The following CCDC32 variants were observed in gnomAD, a reference collection of about 807,000 sequenced individuals.
CCDC32 encodes coiled-coil domain containing 32, also known as coiled-coil domain-containing protein 32.
In CCDC32, 9 loss-of-function variants were observed where a neutral mutation model predicts 20.1. The ratio of observed to expected loss-of-function variants is 0.45; its 90% confidence interval spans 0.27 to 0.78. The LOEUF (loss-of-function observed/expected upper bound fraction) is 0.78, where lower values mean the gene tolerates loss of function less well. Among genes scored for constraint, CCDC32 ranks in the 30% least tolerant of loss-of-function variants. The pLI is 0.16. For synonymous variants in CCDC32, 63 were observed against 79.0 expected, an observed-to-expected ratio of 0.80 and a Z score of 1.07; for missense variants, 204 against 215.5, an observed-to-expected ratio of 0.95 and a Z score of 0.33.
chr15:40,564,859 G>T, intron 1 of CCDC32, 117 bp downstream of exon 1: 1 of 1,579,312 alleles, frequency 6.3e-7, no homozygotes, highest in Non-Finnish European at 8.7e-7. Context: ...AGTCGCTCAG[G>T]TCTCTAGGGC....
downstream of CCDC32, among the ~76,000 whole-genome samples, chr15:40,552,167 C>CA (rs113158589): frequency 7.2e-3 from 1,040 of 144,122 alleles, 16 homozygotes; most frequent in African/African-American, 0.017. Context: ...CTCAAAAAAA[C>CA]AAAAAAAAAA....
At chr15:40,521,033 G>A in the CCDC32 span, among the ~76,000 whole-genome samples, 1 of 152,216 alleles carries the variant, frequency 6.6e-6, no homozygotes, top group Admixed American at 6.5e-5. Flanking sequence ...TTAAGTGGAA[G>A]TGGATCATCA....
At chr15:40,561,421 C>T (rs1426268035) in intron 2 of CCDC32, among the ~76,000 whole-genome samples, 1 of 150,540 alleles carries the variant, frequency 6.6e-6, no homozygotes. Flanking sequence ...TGCAGTGAGT[C>T]GAGATCGTGC....
downstream of CCDC32, among the ~76,000 whole-genome samples, chr15:40,549,089 C>G (rs888303073): frequency 2.0e-5 from 3 of 152,062 alleles, no homozygotes; most frequent in Non-Finnish European, 2.9e-5. Context: ...ATAACTTGTC[C>G]ACCCTCAATC....
At chr15:40,527,092 A>G (rs1419797795), downstream of CCDC32, among the ~76,000 whole-genome samples, 1 of 151,964 alleles carries the variant, frequency 6.6e-6, no homozygotes, top group Non-Finnish European at 1.5e-5. Context: ...CTGGGATTAT[A>G]GGTGCAGGCC....
intron 3 of CCDC32, among the ~76,000 whole-genome samples, chr15:40,542,756 C>G (rs1422531507): frequency 2.0e-5 from 3 of 151,884 alleles, no homozygotes; most frequent in Admixed American, 2.0e-4. Context: ...GTAGTCCCAG[C>G]TACTCAGGAG....
chr15:40,564,627 C>CA, intron 1 of CCDC32: 1 of 1,201,270 alleles, frequency 8.3e-7, no homozygotes, highest in South Asian at 1.3e-5. Context: ...TGCCAGGAGA[C>CA]AGAGCCCAGC....
intron 3 of CCDC32, among the ~76,000 whole-genome samples, chr15:40,545,143 A>ACTCCG (rs1889561955): frequency 1.3e-5 from 2 of 152,224 alleles, no homozygotes; most frequent in East Asian, 3.9e-4. Context: ...CCCAATGTAC[A>ACTCCG]CTCCGCATCC....
chr15:40,562,738 CT>C, intron 2 of CCDC32, 33 bp downstream of exon 2: 1 of 1,585,160 alleles, frequency 6.3e-7, no homozygotes, highest in Non-Finnish European at 8.6e-7. Context: ...TGTAACAGAA[CT>C]TCAATATGCT....
intron 3 of CCDC32, among the ~76,000 whole-genome samples, chr15:40,539,880 A>ACACACACACACCCC (rs769226221): frequency 1.4e-5 from 2 of 139,040 alleles, no homozygotes; most frequent in African/African-American, 2.6e-5. Context: ...ACACACACAC[A>ACACACACACACCCC]CCCCGCTCCT....
At chr15:40,532,248 A>G, downstream of CCDC32, 1 of 703,324 alleles carries the variant, frequency 1.4e-6, no homozygotes, top group Non-Finnish European at 2.6e-6. Flanking sequence ...ATGGTAACAT[A>G]CTATTGTCCT....
At position 40,557,262 on chromosome 15, in the gene CCDC32, TCTC is replaced by T. The variant is rs772613338; in HGVS notation, c.352_354del (p.Glu118del). 2.5e-6 allele frequency: 4 copies of T among 1,614,048 alleles called. No homozygotes were observed. Among genetic ancestry groups the T allele is most frequent in the South Asian group, 1.1e-5 (1 of 91,036 alleles). On this transcript the variant is annotated inframe_deletion, in exon 3 of 4. Coordinates refer to ENST00000416810, the MANE Select transcript of CCDC32 (RefSeq NM_001080792.4). ...TCCACAAAGAACTCTGAAGCTAACT[TCTC>T]CTGGAGGAACCGATCCCAGCATTCC...
In CCDC32 at chr15:40,562,882, TC is replaced by T. The variant is rs1890746182; in HGVS notation, c.133del (p.Asp45IlefsTer21). The part of the protein sequence containing the change: ...ANNAFSDSFV[D>X]SCPEGEGQRE... ...CTGGCCTTCACCTTCAGGGCAAGAATCCACAAAGGAGTCTGAGAATGCATTG... is the reference window on the plus strand; with the variant it reads ...CTGGCCTTCACCTTCAGGGCAAGAATCACAAAGGAGTCTGAGAATGCATTG... On this transcript the variant is annotated frameshift_variant, in exon 2 of 4. Coordinates refer to ENST00000416810, the MANE Select transcript of CCDC32 (RefSeq NM_001080792.4). LOFTEE classifies it high-confidence loss of function. 6.2e-7 allele frequency: 1 copy of T among 1,614,084 alleles called. No individual in the cohort carries two copies. Among genetic ancestry groups the T allele is most frequent in the South Asian group, 1.1e-5 (1 of 91,090 alleles).
intron 3 of CCDC32, among the ~76,000 whole-genome samples, chr15:40,547,458 C>G (rs1889668888): frequency 6.6e-6 from 1 of 152,182 alleles, no homozygotes. Context: ...AAGCCAAACT[C>G]TGCCTTATAT....
chr15:40,532,960 T>C (rs1888948168), downstream of CCDC32, among the ~76,000 whole-genome samples: 1 of 152,022 alleles, frequency 6.6e-6, no homozygotes. Context: ...CTGCCTCAGC[T>C]TCTCAAAGTG....
At chr15:40,528,776 C>G in exon 4 of CCDC32, 1 of 698,882 alleles carries the variant, frequency 1.4e-6, no homozygotes, top group Non-Finnish European at 2.6e-6. Flanking sequence ...AGCACAGATC[C>G]CATTTCTCAA....
chr15:40,530,836 T>C (rs1888853099), downstream of CCDC32, among the ~76,000 whole-genome samples: 1 of 151,032 alleles, frequency 6.6e-6, no homozygotes, highest in Non-Finnish European at 1.5e-5. Flanking sequence ...GTTAGCTTCC[T>C]GGGTAGCTGG....
downstream of CCDC32, chr15:40,531,801 C>G (rs987845347): frequency 1.3e-5 from 2 of 152,392 alleles, no homozygotes; most frequent in Middle Eastern, 3.2e-3. Flanking sequence ...GAGATGGGGT[C>G]TATGTTGCTC....
chr15:40,553,753 A>C lies in CCDC32; in HGVS notation c.*218T>G. 1 of 1,351,084 alleles carries C rather than the reference A, an allele frequency of 7.4e-7. No individual in the cohort carries two copies. Among genetic ancestry groups the C allele is most frequent in the South Asian group, 1.9e-5 (1 of 52,664 alleles). 83.7% of individuals were successfully genotyped at this position (1,351,084 alleles called of 1,614,324 possible). A position where few individuals can be genotyped will look rare whatever the true frequency, so the allele number is the denominator to read the frequency against. Reference sequence around the variant, plus strand: ...CTGGGTCAGTCACTTCATCCGAGACAGTCACACATGCCAGCCCCAGGTAAG... The same window carrying C: ...CTGGGTCAGTCACTTCATCCGAGACCGTCACACATGCCAGCCCCAGGTAAG... On this transcript the variant is annotated 3_prime_UTR_variant, in exon 4 of 4. Transcript: ENST00000416810.
Sources: allele counts gnomAD v4.1 joint callset (sites outside exome capture counted in the v4.1 genomes callset), GRCh38; gene constraint gnomAD v4.1.1; transcripts MANE v1.5; gene names NCBI Gene and HGNC (gene_info 2026-07-23, HGNC 2026-07-21).